TMC1: variants seen among roughly 807,000 people sequenced by gnomAD.
TMC1 encodes transmembrane channel-like protein 1.
In TMC1, 84 loss-of-function variants were observed where a neutral mutation model predicts 105.8. That is an observed-to-expected ratio of 0.79 (90% CI 0.67 to 0.95). TMC1 has a LOEUF of 0.95. TMC1 is among the 40% of genes least tolerant of loss of function. TMC1 has a pLI of 0.00. For missense variants in TMC1, 817 were observed against 914.1 expected (o/e 0.89, Z 1.37); for synonymous variants, 315 against 311.5 (o/e 1.01, Z -0.12).
At chr9:72,764,878 C>T (rs1827807140) in intron 12 of TMC1, among the ~76,000 whole-genome samples, 1 of 152,144 alleles carries the variant, frequency 6.6e-6, no homozygotes, top group South Asian at 2.1e-4. Flanking sequence ...AAACAATTGC[C>T]ATGCAAAATG....
chr9:72,678,789 T>G (rs1490117927), intron 5 of TMC1, among the ~76,000 whole-genome samples: 1 of 152,002 alleles, frequency 6.6e-6, no homozygotes, highest in Non-Finnish European at 1.5e-5. Flanking sequence ...CTTCAGAAAA[T>G]AAGACAATTA....
chr9:72,565,388 T>A (rs983195858), intron 1 of TMC1, among the ~76,000 whole-genome samples: 2 of 152,308 alleles, frequency 1.3e-5, no homozygotes, highest in Admixed American at 1.3e-4. Flanking sequence ...CAGTAGGCTC[T>A]TTCTTATTCC....
intron 12 of TMC1, among the ~76,000 whole-genome samples, chr9:72,764,865 A>G (rs1827806952): frequency 1.3e-5 from 2 of 152,198 alleles, no homozygotes; most frequent in Admixed American, 1.3e-4. Flanking sequence ...TGGATATGCA[A>G]ACAAACAATT....
intron 13 of TMC1, among the ~76,000 whole-genome samples, chr9:72,782,345 C>A (rs1010431381): frequency 6.6e-6 from 1 of 152,112 alleles, no homozygotes; most frequent in African/African-American, 2.4e-5. Flanking sequence ...AAACTCACAG[C>A]CAACATCATA....
chr9:72,806,869 G>A (rs1001425312), intron 18 of TMC1, among the ~76,000 whole-genome samples: 47 of 152,344 alleles, frequency 3.1e-4, no homozygotes, highest in African/African-American at 9.1e-4. Flanking sequence ...GGTGGCAGCC[G>A]AGCAGAGGCT....
intron 2 of TMC1, among the ~76,000 whole-genome samples, chr9:72,596,153 G>A (rs1587979357): frequency 6.6e-6 from 1 of 152,144 alleles, no homozygotes; most frequent in East Asian, 1.9e-4. Flanking sequence ...GGGATTACAG[G>A]CGTGAGCCAC....
At chr9:72,747,897 A>C (rs1827518303) in intron 10 of TMC1, among the ~76,000 whole-genome samples, 1 of 151,534 alleles carries the variant, frequency 6.6e-6, no homozygotes, top group Non-Finnish European at 1.5e-5. Context: ...CCTGGCTGAG[A>C]CTCTGTTTTT....
At chr9:72,605,400 CAG>C (rs1488455092) in intron 2 of TMC1, among the ~76,000 whole-genome samples, 1 of 152,082 alleles carries the variant, frequency 6.6e-6, no homozygotes, top group Non-Finnish European at 1.5e-5. Context: ...CCTTAAATAA[CAG>C]AAACATGCAT....
intron 5 of TMC1, among the ~76,000 whole-genome samples, chr9:72,649,563 C>T (rs1395391657): frequency 6.6e-6 from 1 of 152,072 alleles, no homozygotes; most frequent in African/African-American, 2.4e-5. Flanking sequence ...ATTTAATATG[C>T]TCATTTTATT....
chr9:72,811,191 G>A (rs929500694), intron 18 of TMC1, among the ~76,000 whole-genome samples: 19 of 152,248 alleles, frequency 1.2e-4, no homozygotes, highest in African/African-American at 4.3e-4. Context: ...TATGTTAAAT[G>A]TATTGATTTC....
intron 1 of TMC1, among the ~76,000 whole-genome samples, chr9:72,554,844 C>T (rs1439146349): frequency 2.0e-5 from 3 of 152,148 alleles, no homozygotes; most frequent in Admixed American, 6.5e-5. Flanking sequence ...TTACTCAGCT[C>T]CTTTATTCCT....
rs145140178 is a variant in TMC1, at chr9:72,653,668, T to A, written c.16+5004T>A. Among the ~76,000 whole-genome samples, 703 of 152,202 alleles carry A rather than the reference T, an allele frequency of 4.6e-3. 2 individuals are homozygous for A. Among genetic ancestry groups the A allele is most frequent in the African/African-American group, 0.016 (665 of 41,538 alleles). On this transcript the variant is annotated intron_variant, in intron 5 of 23. Coordinates refer to ENST00000297784, the MANE Select transcript of TMC1 (RefSeq NM_138691.3). The stretch of plus-strand genomic sequence containing the variant: ...ACATTTAAAATGACAATTTGACAAG[T>A]TTTGACAAATGTATATACATTATAA...
At chr9:72,591,883 C>G (rs1824644176) in intron 2 of TMC1, among the ~76,000 whole-genome samples, 1 of 152,136 alleles carries the variant, frequency 6.6e-6, no homozygotes, top group African/African-American at 2.4e-5. Flanking sequence ...TGTTAAAATG[C>G]AGATATCTGG....
chr9:72,721,454 T>G (rs1433520899), intron 8 of TMC1, among the ~76,000 whole-genome samples: 2 of 152,230 alleles, frequency 1.3e-5, no homozygotes, highest in Non-Finnish European at 2.9e-5. Flanking sequence ...CCACACTGCC[T>G]TGAGTTACTT....
chr9:72,789,446 C>CA, intron 15 of TMC1, 129 bp downstream of exon 15: 1 of 807,330 alleles, frequency 1.2e-6, no homozygotes, highest in South Asian at 1.5e-5. Context: ...TACAGTTAAC[C>CA]AACCCTGTTG....
At chr9:72,530,894 C>T (rs1386976030) in intron 1 of TMC1, among the ~76,000 whole-genome samples, 2 of 149,876 alleles carry the variant, frequency 1.3e-5, no homozygotes, top group Non-Finnish European at 2.9e-5. Context: ...GATCTTGACT[C>T]ACTGCAAGAT....
intron 5 of TMC1, among the ~76,000 whole-genome samples, chr9:72,672,544 T>C (rs1042434847): frequency 1.3e-5 from 2 of 151,948 alleles, no homozygotes; most frequent in Admixed American, 1.3e-4. Context: ...CCACTTGCAG[T>C]ATAAAAATAC....
At chr9:72,779,444 C>T (rs1185202759) in intron 13 of TMC1, among the ~76,000 whole-genome samples, 1 of 152,154 alleles carries the variant, frequency 6.6e-6, no homozygotes, top group Non-Finnish European at 1.5e-5. Context: ...ACATAGAATT[C>T]AGAGTCTGGA....
At chr9:72,776,741 G>A (rs1828012133) in intron 13 of TMC1, among the ~76,000 whole-genome samples, 1 of 152,116 alleles carries the variant, frequency 6.6e-6, no homozygotes, top group Non-Finnish European at 1.5e-5. Flanking sequence ...AGCAGAGTTT[G>A]AGGATTTCAC....
Sources: gnomAD v4.1 joint callset for allele counts (sites outside exome capture counted in the v4.1 genomes callset) on GRCh38, gnomAD v4.1.1 for gene constraint, MANE v1.5 for transcripts, NCBI Gene and HGNC (gene_info 2026-07-23, HGNC 2026-07-21) for gene names.